The following ATF1 variants were observed in gnomAD, a reference collection of about 807,000 sequenced individuals.
The protein encoded by ATF1 is activating transcription factor 1.
In ATF1, 16 loss-of-function variants were observed where a neutral mutation model predicts 34.7. The ratio of observed to expected loss-of-function variants is 0.46; its 90% CI spans 0.31 to 0.70. The LOEUF is 0.70. Among genes scored for constraint, ATF1 ranks in the 30% least tolerant of loss-of-function variants. The pLI is 0.05. For missense variants in ATF1, 255 were observed against 321.6 expected (o/e 0.79, Z 1.58); for synonymous variants, 105 against 113.1 (o/e 0.93, Z 0.46).
chr12:50,802,871 C>CAAAAAAAAAAAAAAAA (rs71443203), intron 3 of ATF1, among the ~76,000 whole-genome samples: 1 of 46,912 alleles, frequency 2.1e-5, no homozygotes, highest in Non-Finnish European at 3.4e-5. Flanking sequence ...GACTCCATCT[C>CAAAAAAAAAAAAAAAA]AAAAAAAAAA....
chr12:50,819,819 A>C lies in ATF1; in HGVS notation c.*40A>C. On this transcript the variant is annotated 3_prime_UTR_variant, in exon 7 of 7. Coordinates refer to ENST00000262053, the MANE Select transcript of ATF1 (RefSeq NM_005171.5). ...AATATTTTTGTGGACATGCATAAAAATTAAATGGATTTCCTAGTGGAGTTT... is the reference window on the plus strand; with the variant it reads ...AATATTTTTGTGGACATGCATAAAACTTAAATGGATTTCCTAGTGGAGTTT... 7.0e-7 allele frequency: 1 copy of C among 1,437,408 alleles called. No homozygotes were observed. 89.0% of individuals were successfully genotyped at this position (1,437,408 alleles called of 1,614,324 possible).
chr12:50,813,088 A>G (rs17124978), intron 4 of ATF1, among the ~76,000 whole-genome samples: 7,412 of 152,268 alleles, frequency 0.049, 614 homozygotes, highest in African/African-American at 0.17. Context: ...GAATTGAATA[A>G]TGCTAAAATG....
chr12:50,809,373 CAA>C (rs56060219), intron 3 of ATF1, 81 bp from the exon 4 acceptor site: 58,533 of 732,666 alleles, frequency 0.08, 2 homozygotes, highest in East Asian at 0.11. Context: ...GATCTTGTCT[CAA>C]AAAAAAAAAA....
intron 2 of ATF1, among the ~76,000 whole-genome samples, chr12:50,780,688 C>T (rs970050209): frequency 1.9e-4 from 29 of 150,490 alleles, no homozygotes; most frequent in Non-Finnish European, 3.5e-4. Context: ...AAAGGCCAGG[C>T]GCAGTGGCTC....
intron 4 of ATF1, among the ~76,000 whole-genome samples, chr12:50,811,201 T>C (rs1941729724): frequency 6.6e-6 from 1 of 152,198 alleles, no homozygotes; most frequent in Admixed American, 6.5e-5. Flanking sequence ...GACCACTCTC[T>C]TCAAATATGT....
At chr12:50,793,196 G>A (rs1199522299) in intron 2 of ATF1, among the ~76,000 whole-genome samples, 1 of 152,108 alleles carries the variant, frequency 6.6e-6, no homozygotes, top group Non-Finnish European at 1.5e-5. Context: ...ATTTGCTGGT[G>A]CTGTTATTAA....
chr12:50,819,859 TC>T lies in ATF1; in HGVS notation c.*81del. 1.6e-6 allele frequency: 2 copies of T among 1,216,196 alleles called. No individual in the cohort carries two copies. The highest frequency in any genetic ancestry group is 4.9e-5 in the East Asian group (2 of 41,154). 75.3% of individuals were successfully genotyped at this position (1,216,196 alleles called of 1,614,324 possible). A position where few individuals can be genotyped will look rare whatever the true frequency, so the allele number is the denominator to read the frequency against. On this transcript the variant is annotated 3_prime_UTR_variant, in exon 7 of 7. Transcript: ENST00000262053. ...TAGTGGAGTTTTATAAATTAAAAGG[TC>T]AAAACTGAAGCTTTTTATTTAGGCT... is the stretch of plus-strand genomic sequence containing the variant.
At chr12:50,798,833 A>C (rs1037454754) in intron 3 of ATF1, among the ~76,000 whole-genome samples, 2 of 152,228 alleles carry the variant, frequency 1.3e-5, no homozygotes, top group Admixed American at 1.3e-4. Context: ...GTATTTGATT[A>C]AATCCAGCAC....
chr12:50,819,911 A>G lies in ATF1; in HGVS notation c.*132A>G. On this transcript the variant is annotated 3_prime_UTR_variant, in exon 7 of 7. Transcript: ENST00000262053. ...TTTCCAAATCAAGGATAAATATCTT[A>G]CGCACGATATCTAGTGACAGAGGAG... The G allele has an allele frequency of 1.3e-6, 1 of 777,494 alleles. No homozygotes were observed. The highest frequency in any genetic ancestry group is 2.2e-5 in the South Asian group (1 of 46,170). The allele number at this position is 777,494 out of a possible 1,614,324, so 48.2% of individuals were successfully genotyped here.
intron 2 of ATF1, among the ~76,000 whole-genome samples, chr12:50,788,642 T>G (rs1306045886): frequency 1.3e-5 from 2 of 152,108 alleles, no homozygotes; most frequent in Non-Finnish European, 2.9e-5. Context: ...ATTCACAGAT[T>G]CTGTATTTGC....
chr12:50,797,524 G>A (rs1941431717), intron 3 of ATF1, among the ~76,000 whole-genome samples: 1 of 152,150 alleles, frequency 6.6e-6, no homozygotes, highest in Admixed American at 6.5e-5. Context: ...TGTTGCCTGG[G>A]CTGGAGTGCA....
intron 1 of ATF1, among the ~76,000 whole-genome samples, chr12:50,769,186 G>T (rs1197350682): frequency 6.6e-6 from 1 of 152,098 alleles, no homozygotes; most frequent in African/African-American, 2.4e-5. Flanking sequence ...GAAATGTGGG[G>T]TTTTTTGGCT....
chr12:50,777,829 T>G (rs187023012), intron 1 of ATF1, among the ~76,000 whole-genome samples: 128 of 151,988 alleles, frequency 8.4e-4, no homozygotes, highest in Non-Finnish European at 6.0e-4. Flanking sequence ...GAAGAAAATA[T>G]GTAGGCTTAA....
At chr12:50,815,166 C>T (rs557029185) in intron 6 of ATF1, among the ~76,000 whole-genome samples, 2 of 152,050 alleles carry the variant, frequency 1.3e-5, no homozygotes, top group Admixed American at 1.3e-4. Context: ...CAAGGCAGCC[C>T]CTACAGGAGG....
chr12:50,781,526 C>T (rs1057140650), intron 2 of ATF1, among the ~76,000 whole-genome samples: 8 of 152,130 alleles, frequency 5.3e-5, no homozygotes, highest in Non-Finnish European at 7.3e-5. Flanking sequence ...TCTCGGGTCA[C>T]TACAACCTCC....
At chr12:50,813,988 T>C in intron 4 of ATF1, 22 bp from the exon 5 acceptor site, 1 of 1,602,032 alleles carries the variant, frequency 6.2e-7, no homozygotes. Flanking sequence ...TTACAATAGC[T>C]ATTTTCTCTT....
chr12:50,772,443 C>A (rs998115007), intron 1 of ATF1, among the ~76,000 whole-genome samples: 14 of 151,628 alleles, frequency 9.2e-5, no homozygotes, highest in Non-Finnish European at 1.9e-4. Flanking sequence ...TCTCCTTCCT[C>A]AGCCTCCCAA....
chr12:50,815,298 C>T (rs1031220336), intron 6 of ATF1, among the ~76,000 whole-genome samples: 5 of 130,528 alleles, frequency 3.8e-5, no homozygotes, highest in African/African-American at 1.4e-4. Context: ...TGATCCTGAC[C>T]CTAGGCTAGT....
rs1940710074 is a variant in ATF1 at position 50,769,138 on chromosome 12, T to C, written c.-7+4831T>C. Reference sequence around the variant, plus strand: ...CATGTAAGGTGTGTAGTAAGGAAAATAGAATGTACTTTTGGTAAAAGATTA... The same window carrying C: ...CATGTAAGGTGTGTAGTAAGGAAAACAGAATGTACTTTTGGTAAAAGATTA... On this transcript the variant is annotated intron_variant, in intron 1 of 6. Transcript: ENST00000262053. Among the ~76,000 whole-genome samples, 4 of 152,200 alleles carry C rather than the reference T, an allele frequency of 2.6e-5. No individual in the cohort carries two copies. In the South Asian group the frequency reaches 8.3e-4, roughly 31 times the overall value.
Sources: allele counts gnomAD v4.1 joint callset (sites outside exome capture counted in the v4.1 genomes callset), GRCh38; gene constraint gnomAD v4.1.1; transcripts MANE v1.5; gene names NCBI Gene and HGNC (gene_info 2026-07-23, HGNC 2026-07-21).